The following SLC5A12 variants were observed in gnomAD, a reference collection of about 807,000 sequenced individuals.
SLC5A12 encodes solute carrier family 5 member 12.
SLC5A12 carries 46 observed loss-of-function variants against 72.7 expected under a neutral mutation model. The observed-to-expected ratio is 0.63, with a 90% CI of 0.50 to 0.81. The LOEUF (loss-of-function observed/expected upper bound fraction) is 0.81. Among genes scored for constraint, SLC5A12 ranks in the 30% least tolerant of loss-of-function variants. SLC5A12 has a pLI of 0.00. For missense variants in SLC5A12, 683 were observed against 740.7 expected (o/e 0.92, Z 0.90); for synonymous variants, 275 against 264.4 (o/e 1.04, Z -0.39).
chr11:26,692,670 T>C, intron 8 of SLC5A12, 69 bp from the exon 9 acceptor site: 1 of 1,051,352 alleles, frequency 9.5e-7, no homozygotes, highest in Non-Finnish European at 1.5e-6. Flanking sequence ...TGCCCTCTTG[T>C]CCAGGGCAGA....
chr11:26,682,057 A>G (rs1308561920), intron 11 of SLC5A12, among the ~76,000 whole-genome samples: 1 of 151,932 alleles, frequency 6.6e-6, no homozygotes, highest in East Asian at 1.9e-4. Context: ...ACAGTCAGAC[A>G]ATAAATATTT....
upstream of SLC5A12, chr11:26,722,072 A>T: frequency 4.8e-6 from 1 of 209,154 alleles, no homozygotes; most frequent in African/African-American, 2.3e-5. Flanking sequence ...GACTGGCCAG[A>T]TAACATGCTG....
intron 1 of SLC5A12, among the ~76,000 whole-genome samples, chr11:26,718,364 A>G (rs1258308924): frequency 6.6e-6 from 1 of 152,250 alleles, no homozygotes; most frequent in Non-Finnish European, 1.5e-5. Context: ...AACCAGGTAT[A>G]TAAAAGTTAA....
In SLC5A12 at chr11:26,686,670, TC is replaced by T. The variant is rs145748451; in HGVS notation, c.1154-127del. The T allele has an allele frequency of 7.9e-4, 585 of 740,166 alleles. 4 individuals carry two copies. The African/African-American group carries it at 9.2e-3, about 12-fold the overall frequency. 45.8% of individuals were successfully genotyped at this position (740,166 alleles called of 1,614,324 possible). Reference sequence around the variant, plus strand: ...TGCAAAGGGATCTCAGCGAGGACCATCCTCCCCATTCAGCCATCATCAGCCC... The same window carrying T: ...TGCAAAGGGATCTCAGCGAGGACCATCTCCCCATTCAGCCATCATCAGCCC... On this transcript the variant is annotated intron_variant, in intron 9 of 14. Coordinates refer to ENST00000396005, the MANE Select transcript of SLC5A12 (RefSeq NM_178498.4).
chr11:26,692,654 C>T (rs984512530), intron 8 of SLC5A12, 53 bp from the exon 9 acceptor site: 63 of 1,273,442 alleles, frequency 4.9e-5, no homozygotes, highest in African/African-American at 3.4e-4. Flanking sequence ...GGCGGAGCTA[C>T]CAGCCTGCCC....
At chr11:26,713,235 A>G (rs11029684) in intron 1 of SLC5A12, among the ~76,000 whole-genome samples, 5,403 of 152,192 alleles carry the variant, frequency 0.036, 321 homozygotes, top group African/African-American at 0.12. Context: ...AACAAAGTGC[A>G]GATCCCAAGC....
chr11:26,694,823 C>A (rs1356424166), intron 8 of SLC5A12, among the ~76,000 whole-genome samples: 1 of 152,046 alleles, frequency 6.6e-6, no homozygotes, highest in Non-Finnish European at 1.5e-5. Context: ...GCATTTTATT[C>A]TTCTACTTTT....
intron 1 of SLC5A12, among the ~76,000 whole-genome samples, chr11:26,717,755 G>T (rs1855385325): frequency 6.6e-6 from 1 of 152,148 alleles, no homozygotes. Flanking sequence ...CTTTCATGTA[G>T]CTTCAGTAAC....
intron 8 of SLC5A12, among the ~76,000 whole-genome samples, chr11:26,696,125 G>A (rs916060588): frequency 6.6e-6 from 1 of 152,028 alleles, no homozygotes; most frequent in South Asian, 2.1e-4. Flanking sequence ...TATACTATTT[G>A]CTATTTTCAG....
At position 26,673,306 on chromosome 11, in the gene SLC5A12, C is replaced by T. The variant is rs547512685; in HGVS notation, c.1707+96G>A. On this transcript the variant is annotated intron_variant, in intron 14 of 14. Coordinates refer to ENST00000396005, the MANE Select transcript of SLC5A12 (RefSeq NM_178498.4). The stretch of plus-strand genomic sequence containing the variant: ...TTCAAGTTCTCACACTCACTGCTTT[C>T]CCTTTCCAGTGCATCTTTGCAGCCG... The T allele has an allele frequency of 4.0e-5, 51 of 1,289,316 alleles. No homozygotes were observed. In the African/African-American group the frequency reaches 7.0e-4, roughly 18 times the overall value. 79.9% of individuals were successfully genotyped at this position (1,289,316 alleles called of 1,614,324 possible).
At position 26,674,377 on chromosome 11, in the gene SLC5A12, C is replaced by CAAAAA. The variant is rs142621833; in HGVS notation, c.1580-853_1580-849dup. On this transcript the variant is annotated intron_variant, in intron 13 of 14. Transcript: ENST00000396005. ...TTTTTCTCAAACTGCTTTCTAGAGACAAAAAAAATAAAAAAATGTAGATTT... is the reference window on the plus strand; with the variant it reads ...TTTTTCTCAAACTGCTTTCTAGAGACAAAAAAAAAAAAATAAAAAAATGTAGATTT... 2.1e-4 allele frequency among the ~76,000 whole-genome samples: 30 copies of CAAAAA among 145,916 alleles called. 1 individual carries two copies. Among genetic ancestry groups the CAAAAA allele is most frequent in the Non-Finnish European group, 2.3e-4 (15 of 66,184 alleles).
Position 26,721,722 on chromosome 11 carries a change from A to T in SLC5A12, c.-8T>A. On this transcript the variant is annotated 5_prime_UTR_variant, in exon 1 of 15. Coordinates refer to ENST00000396005, the MANE Select transcript of SLC5A12 (RefSeq NM_178498.4). The stretch of plus-strand genomic sequence containing the variant: ...AAAGTTCTTCACCTCCATATTGGAA[A>T]GTATGACACCAGAGAGTTTCTTTCA... 6.2e-7 allele frequency: 1 copy of T among 1,609,782 alleles called. No individual in the cohort carries two copies. Among genetic ancestry groups the T allele is most frequent in the Non-Finnish European group, 8.5e-7 (1 of 1,177,906 alleles).
chr11:26,676,797 G>A (rs1171375174), intron 13 of SLC5A12, among the ~76,000 whole-genome samples: 1 of 152,088 alleles, frequency 6.6e-6, no homozygotes, highest in African/African-American at 2.4e-5. Context: ...AAACTTCCTG[G>A]AGTTGCTAAT....
intron 6 of SLC5A12, among the ~76,000 whole-genome samples, chr11:26,699,322 C>T (rs1439017684): frequency 6.6e-6 from 1 of 152,160 alleles, no homozygotes; most frequent in East Asian, 1.9e-4. Flanking sequence ...TGAACATTGT[C>T]TAAGATCTAG....
In SLC5A12 at chr11:26,712,700, G is replaced by GT. The variant is rs1855260635; in HGVS notation, c.345dup (p.Gln116ThrfsTer42). On this transcript the variant is annotated frameshift_variant, in exon 2 of 15. Transcript: ENST00000396005. LOFTEE classifies it high-confidence loss of function. Reference sequence around the variant, plus strand: ...CGAACTGGTTTGTTGAATCGTAGTTGTAAGTACTAAAGGAAACAGAAAGAC... The same window carrying GT: ...CGAACTGGTTTGTTGAATCGTAGTTGTTAAGTACTAAAGGAAACAGAAAGAC... The GT allele has an allele frequency of 3.8e-6, 6 of 1,586,570 alleles. No individual in the cohort carries two copies. The highest frequency in any genetic ancestry group is 3.4e-5 in the Admixed American group (2 of 59,680).
At chr11:26,684,165 G>A (rs1324227306) in intron 10 of SLC5A12, among the ~76,000 whole-genome samples, 1 of 151,844 alleles carries the variant, frequency 6.6e-6, no homozygotes, top group African/African-American at 2.4e-5. Context: ...AGAACCAAGG[G>A]GACTTCAAAT....
Position 26,703,643 on chromosome 11 carries a change from T to C in SLC5A12, c.709A>G (p.Thr237Ala). ...DFDVDPLRRH[T>A]FWTITVGGTF... ...CCTCCCACTGTGATAGTCCAAAAAG[T>C]GTGTCGCCTGAGAGGATCTACATCA... is the stretch of plus-strand genomic sequence containing the variant. Residue 237 changes from threonine (T) to alanine (A), a missense_variant, in exon 6 of 15, where the codon ACT (threonine) becomes GCT (alanine). Physicochemically the swap from Thr to Ala is moderately conservative, Grantham distance 58. Coordinates refer to ENST00000396005, the MANE Select transcript of SLC5A12 (RefSeq NM_178498.4). The C allele has an allele frequency of 6.2e-7, 1 of 1,613,830 alleles. No homozygotes were observed. Among genetic ancestry groups the C allele is most frequent in the Non-Finnish European group, 8.5e-7 (1 of 1,179,882 alleles).
chr11:26,715,060 A>G (rs935631887), intron 1 of SLC5A12, among the ~76,000 whole-genome samples: 3 of 152,150 alleles, frequency 2.0e-5, no homozygotes, highest in African/African-American at 7.2e-5. Context: ...CCTTGGGTTC[A>G]CATCTTGTGC....
intron 6 of SLC5A12, among the ~76,000 whole-genome samples, chr11:26,699,467 C>T (rs148486917): frequency 7.0e-4 from 106 of 152,288 alleles, no homozygotes; most frequent in African/African-American, 2.2e-3. Context: ...AAGGCAAATA[C>T]GCCAGATAAT....
Sources: allele counts gnomAD v4.1 joint callset (sites outside exome capture counted in the v4.1 genomes callset), GRCh38; gene constraint gnomAD v4.1.1; transcripts MANE v1.5; gene names NCBI Gene and HGNC (gene_info 2026-07-23, HGNC 2026-07-21).